The following NRG1 variants were observed in gnomAD, a reference collection of about 807,000 sequenced individuals.
NRG1 encodes pro-neuregulin-1, membrane-bound isoform.
A neutral mutation model predicts 63.8 loss-of-function variants in NRG1; 18 were observed. The ratio of observed to expected loss-of-function variants is 0.28; its 90% CI spans 0.19 to 0.42. NRG1 has a LOEUF of 0.42. Ranked by LOEUF, NRG1 falls within the 10% of genes least tolerant of loss-of-function variation. The pLI is 1.00. For synonymous variants in NRG1, 302 were observed against 301.3 expected (o/e 1.00, Z -0.02); for missense variants, 762 against 814.7 (o/e 0.94, Z 0.79).
chr8:31,713,376 A>G (rs1812020098), intron 1 of NRG1, among the ~76,000 whole-genome samples: 2 of 151,992 alleles, frequency 1.3e-5, no homozygotes, highest in African/African-American at 2.4e-5. Context: ...TCGGCCTCCC[A>G]AAGTGCTGGG....
intron 5 of NRG1, among the ~76,000 whole-genome samples, chr8:32,629,094 A>G (rs185056724): frequency 1.1e-3 from 164 of 152,352 alleles, no homozygotes; most frequent in African/African-American, 3.8e-3. Context: ...AATAGTGCAC[A>G]TAACTCTTCT....
chr8:32,277,431 A>G (rs979182366), intron 1 of NRG1, among the ~76,000 whole-genome samples: 1 of 152,222 alleles, frequency 6.6e-6, no homozygotes, highest in Admixed American at 6.5e-5. Context: ...GTAGTGAGAT[A>G]GTCTTGAATT....
intron 1 of NRG1, among the ~76,000 whole-genome samples, chr8:31,661,065 T>G (rs1805944199): frequency 6.6e-6 from 1 of 152,214 alleles, no homozygotes; most frequent in African/African-American, 2.4e-5. Context: ...ATGGTGATGA[T>G]TTAGTATTTC....
chr8:32,034,519 A>G (rs4451264), intron 1 of NRG1, among the ~76,000 whole-genome samples: 44,642 of 152,022 alleles, frequency 0.29, 7,121 homozygotes, highest in East Asian at 0.65. Flanking sequence ...TTTCAGAAGA[A>G]AGTGTATCAG....
At position 32,319,385 on chromosome 8, in the gene NRG1, G is replaced by A. The variant is rs1185971764; in HGVS notation, c.38-276443G>A. Among the ~76,000 whole-genome samples, 7 of 152,168 alleles carry A rather than the reference G, an allele frequency of 4.6e-5. No individual in the cohort carries two copies. The East Asian group carries it at 1.4e-3, about 29-fold the overall frequency. On this transcript the variant is annotated intron_variant, in intron 1 of 10. Coordinates refer to the NRG1 transcript ENST00000519301. The stretch of plus-strand genomic sequence containing the variant: ...AGACTCAGCTTGGAAATCATTCTTG[G>A]GATGCAGAAGGATCTGGTCCAGAAA...
At chr8:32,434,536 G>T (rs16879379) in intron 1 of NRG1, among the ~76,000 whole-genome samples, 2 of 152,176 alleles carry the variant, frequency 1.3e-5, no homozygotes, top group South Asian at 4.1e-4. Context: ...AGCCCAGATC[G>T]GGACCCACCA....
At chr8:31,799,539 T>G (rs192207492) in intron 1 of NRG1, among the ~76,000 whole-genome samples, 179 of 152,244 alleles carry the variant, frequency 1.2e-3, no homozygotes, top group African/African-American at 3.9e-3. Context: ...AGTTAACATG[T>G]TGGTATATTT....
At chr8:32,663,995 CAT>C (rs1356293211) in intron 5 of NRG1, among the ~76,000 whole-genome samples, 5 of 152,162 alleles carry the variant, frequency 3.3e-5, no homozygotes, top group African/African-American at 1.2e-4. Flanking sequence ...CTTTAATACT[CAT>C]GTGTGTATTT....
chr8:32,082,587 A>G (rs1175624918), intron 1 of NRG1, among the ~76,000 whole-genome samples: 1 of 152,186 alleles, frequency 6.6e-6, no homozygotes, highest in Non-Finnish European at 1.5e-5. Flanking sequence ...GAGGTTCAAG[A>G]ACAACAGAAG....
intron 1 of NRG1, among the ~76,000 whole-genome samples, chr8:32,441,711 T>G (rs1166629713): frequency 6.6e-6 from 1 of 152,288 alleles, no homozygotes; most frequent in South Asian, 2.1e-4. Context: ...GAAGCTTTAC[T>G]CTGGAGTCTC....
chr8:32,513,526 T>C (rs1311435627), intron 1 of NRG1, among the ~76,000 whole-genome samples: 3 of 152,138 alleles, frequency 2.0e-5, no homozygotes, highest in Non-Finnish European at 1.5e-5. Context: ...GCTCAGCCTC[T>C]ATCTGTCAAG....
At chr8:32,423,030 C>T (rs748327988) in intron 1 of NRG1, among the ~76,000 whole-genome samples, 2 of 152,186 alleles carry the variant, frequency 1.3e-5, no homozygotes, top group Non-Finnish European at 2.9e-5. Flanking sequence ...TACAAGTTGT[C>T]AACTGCACTC....
chr8:31,720,292 G>A (rs62506925), intron 1 of NRG1, among the ~76,000 whole-genome samples: 30,285 of 152,128 alleles, frequency 0.2, 4,162 homozygotes, highest in East Asian at 0.65. Context: ...GAGTAGATAT[G>A]TGTATGATTA....
chr8:32,267,322 G>C (rs1404247037), intron 1 of NRG1, among the ~76,000 whole-genome samples: 1 of 152,078 alleles, frequency 6.6e-6, no homozygotes, highest in Non-Finnish European at 1.5e-5. Context: ...TGCGAGCAAG[G>C]CCAAAAATCC....
intron 1 of NRG1, among the ~76,000 whole-genome samples, chr8:31,911,910 A>G (rs2129617549): frequency 6.6e-6 from 1 of 152,328 alleles, no homozygotes; most frequent in Admixed American, 6.5e-5. Context: ...CTAGTTAAAG[A>G]GAAAGAGCAT....
At chr8:32,129,157 T>A (rs942251148) in intron 1 of NRG1, among the ~76,000 whole-genome samples, 2 of 151,956 alleles carry the variant, frequency 1.3e-5, no homozygotes, top group Non-Finnish European at 2.9e-5. Flanking sequence ...GCTAGCACAA[T>A]CTCAGGTTCA....
intron 1 of NRG1, among the ~76,000 whole-genome samples, chr8:32,532,099 C>G (rs1195068840): frequency 3.3e-5 from 5 of 152,168 alleles, no homozygotes; most frequent in Non-Finnish European, 7.4e-5. Flanking sequence ...GGAGACCACA[C>G]ATGCACCAGA....
intron 1 of NRG1, among the ~76,000 whole-genome samples, chr8:31,838,852 C>T (rs926011958): frequency 3.3e-5 from 5 of 152,158 alleles, no homozygotes; most frequent in Non-Finnish European, 7.4e-5. Context: ...TGATGAACTG[C>T]ACTTTTTCCT....
intron 5 of NRG1, among the ~76,000 whole-genome samples, chr8:32,695,210 G>A (rs191579253): frequency 8.0e-4 from 121 of 152,090 alleles, no homozygotes; most frequent in African/African-American, 2.6e-3. Flanking sequence ...GGATGGTGGC[G>A]CATATCTGTA....
Sources: gnomAD v4.1 joint callset for allele counts (sites outside exome capture counted in the v4.1 genomes callset) on GRCh38, gnomAD v4.1.1 for gene constraint, MANE v1.5 for transcripts, NCBI Gene and HGNC (gene_info 2026-07-23, HGNC 2026-07-21) for gene names.